XPO1: variants seen among roughly 807,000 people sequenced by gnomAD.
The protein encoded by XPO1 is exportin 1.
XPO1 carries 5 observed loss-of-function variants against 133.3 expected under a neutral mutation model. The observed-to-expected ratio is 0.04, with a 90% CI of 0.02 to 0.08. The LOEUF is 0.08. Ranked by LOEUF, XPO1 falls within the 10% of genes least tolerant of loss-of-function variation. The pLI, the probability that XPO1 is intolerant of heterozygous loss-of-function variation, is 1.00. For missense variants in XPO1, 506 were observed against 1,267.5 expected (o/e 0.40, Z 9.12); for synonymous variants, 419 against 408.2 (o/e 1.03, Z -0.32).
chr2:61,515,937 CCACACACACACACACACACACACACA>C (rs35237510), intron 4 of XPO1, among the ~76,000 whole-genome samples: 1 of 110,760 alleles, frequency 9.0e-6, no homozygotes, highest in East Asian at 2.2e-4. Flanking sequence ...AAAAAAAAAA[CCACACACACACACACACACACACACA>C]CACACACACA....
At chr2:61,495,284 AG>A (rs1228559970) in intron 11 of XPO1, among the ~76,000 whole-genome samples, 170 bp downstream of exon 11, 1 of 152,208 alleles carries the variant, frequency 6.6e-6, no homozygotes, top group African/African-American at 2.4e-5. Context: ...ACATAAAATC[AG>A]AAAACTGGGC....
rs944972305 is a variant in XPO1, at chr2:61,478,570, T to C, written c.*250A>G. 2.4e-6 allele frequency: 1 copy of C among 410,348 alleles called. No individual in the cohort carries two copies. The allele number at this position is 410,348 out of a possible 1,614,324, so 25.4% of individuals were successfully genotyped here. On this transcript the variant is annotated 3_prime_UTR_variant, in exon 25 of 25. Coordinates refer to ENST00000401558, the MANE Select transcript of XPO1 (RefSeq NM_003400.4). ...CCCAGCCCAGCCACAAAAATGGGCATGAAGTAAAATTTTTAAAAATGCCTT... is the reference window on the plus strand; with the variant it reads ...CCCAGCCCAGCCACAAAAATGGGCACGAAGTAAAATTTTTAAAAATGCCTT...
chr2:61,526,921 T>C (rs1367514900), intron 2 of XPO1, among the ~76,000 whole-genome samples: 1 of 152,162 alleles, frequency 6.6e-6, no homozygotes, highest in Non-Finnish European at 1.5e-5. Flanking sequence ...TTGGCCAGGC[T>C]GGTCTTGAAC....
At chr2:61,499,083 C>A (rs1482462669) in intron 7 of XPO1, among the ~76,000 whole-genome samples, 170 bp from the exon 8 acceptor site, 1 of 152,098 alleles carries the variant, frequency 6.6e-6, no homozygotes, top group Non-Finnish European at 1.5e-5. Flanking sequence ...GCCTGGGCAA[C>A]CCAAGGGGAA....
intron 21 of XPO1, chr2:61,483,387 G>A (rs923860573): frequency 3.5e-6 from 1 of 285,882 alleles, no homozygotes; most frequent in Non-Finnish European, 6.5e-6. Context: ...AGTGGGTGAG[G>A]GATAAGACTA....
At chr2:61,511,958 C>CG (rs1698120204) in intron 4 of XPO1, among the ~76,000 whole-genome samples, 1 of 151,692 alleles carries the variant, frequency 6.6e-6, no homozygotes, top group Non-Finnish European at 1.5e-5. Context: ...TTAGTAGAGA[C>CG]GGGGTTTCAC....
chr2:61,534,873 T>C (rs1040321447), intron 1 of XPO1, among the ~76,000 whole-genome samples: 3 of 88,034 alleles, frequency 3.4e-5, no homozygotes, highest in African/African-American at 1.2e-4. Context: ...CTCAATGAAT[T>C]GGGGGATTGA....
At chr2:61,531,177 T>C (rs987286609) in intron 2 of XPO1, among the ~76,000 whole-genome samples, 1 of 152,214 alleles carries the variant, frequency 6.6e-6, no homozygotes, top group Non-Finnish European at 1.5e-5. Context: ...ACTAACGACA[T>C]AGGACTTTTA....
At chr2:61,479,039 A>G in intron 24 of XPO1, 73 bp from the exon 25 acceptor site, 1 of 1,544,176 alleles carries the variant, frequency 6.5e-7, no homozygotes, top group Non-Finnish European at 8.8e-7. Flanking sequence ...TAGATGAGCA[A>G]TTTCCTTTTT....
At chr2:61,530,030 G>A (rs1258970513) in intron 2 of XPO1, among the ~76,000 whole-genome samples, 2 of 152,236 alleles carry the variant, frequency 1.3e-5, no homozygotes, top group East Asian at 3.8e-4. Context: ...GAATAATGAT[G>A]TGGCTTATCT....
chr2:61,483,131 T>G, intron 21 of XPO1, 40 bp from the exon 22 acceptor site: 4 of 1,587,066 alleles, frequency 2.5e-6, no homozygotes, highest in Non-Finnish European at 3.4e-6. Flanking sequence ...TACTACAGAC[T>G]GACAGCACTC....
At chr2:61,486,755 C>G (rs1290599345) in intron 19 of XPO1, among the ~76,000 whole-genome samples, 2 of 152,074 alleles carry the variant, frequency 1.3e-5, no homozygotes, top group East Asian at 3.9e-4. Context: ...AGTATTTTCA[C>G]AAGCAGAAAT....
chr2:61,497,304 T>C (rs866665529), intron 9 of XPO1, among the ~76,000 whole-genome samples: 2 of 152,118 alleles, frequency 1.3e-5, no homozygotes, highest in African/African-American at 4.8e-5. Flanking sequence ...CCTCACCTCT[T>C]GGATTCAAGC....
Position 61,479,610 on chromosome 2 carries a change from TAG to T in XPO1, c.3070-646_3070-645del, listed in dbSNP as rs1412972570. 7.9e-5 allele frequency among the ~76,000 whole-genome samples: 12 copies of T among 152,348 alleles called. No individual in the cohort carries two copies. In the East Asian group the frequency reaches 9.6e-4, roughly 12 times the overall value. On this transcript the variant is annotated intron_variant, in intron 24 of 24. Coordinates refer to ENST00000401558, the MANE Select transcript of XPO1 (RefSeq NM_003400.4). ...CACACAAATTTTGTTCTCTTTGTGA[TAG>T]AGTCTTGTTCTGTAGCCCCAGCACA...
chr2:61,492,887 TA>T lies in XPO1; in HGVS notation c.1384+27del. On this transcript the variant is annotated intron_variant, in intron 13 of 24. Coordinates refer to ENST00000401558, the MANE Select transcript of XPO1 (RefSeq NM_003400.4). The surrounding 1 kb of genome is among the most constrained non-coding windows in gnomAD (Gnocchi z 5.6). ...CCACCCCAGAATAGATTTATAAAGG[TA>T]AAGATTAACAGTATTTATTAACTTA... 1 of 1,578,566 alleles carries T rather than the reference TA, an allele frequency of 6.3e-7. No individual in the cohort carries two copies.
At chr2:61,501,101 C>G (rs541184097) in intron 6 of XPO1, among the ~76,000 whole-genome samples, 2 of 152,260 alleles carry the variant, frequency 1.3e-5, no homozygotes, top group African/African-American at 4.8e-5. Flanking sequence ...TCTCCTCTCT[C>G]TCACCACTCA....
At chr2:61,499,997 A>G in intron 6 of XPO1, 103 bp from the exon 7 acceptor site, 2 of 1,142,728 alleles carry the variant, frequency 1.8e-6, no homozygotes, top group Non-Finnish European at 2.5e-6. Flanking sequence ...GTAAGGATAA[A>G]TCACTTTTCA....
rs886650000 is a variant in XPO1, at chr2:61,478,567, G to A, written c.*253C>T. The A allele has an allele frequency of 5.0e-6, 2 of 402,696 alleles. No homozygotes were observed. Among genetic ancestry groups the A allele is most frequent in the Non-Finnish European group, 8.7e-6 (2 of 230,704 alleles). The allele number at this position is 402,696 out of a possible 1,614,324, so 24.9% of individuals were successfully genotyped here. ...CCCCCCAGCCCAGCCACAAAAATGG[G>A]CATGAAGTAAAATTTTTAAAAATGC... On this transcript the variant is annotated 3_prime_UTR_variant, in exon 25 of 25. Transcript: ENST00000401558.
intron 5 of XPO1, 31 bp from the exon 6 acceptor site, chr2:61,502,071 C>A (rs1355075181): frequency 6.3e-7 from 1 of 1,577,104 alleles, no homozygotes; most frequent in Non-Finnish European, 8.6e-7. Flanking sequence ...AAATGAGAGC[C>A]TGAGGTAAGT....
Sources: gnomAD v4.1 joint callset for allele counts (sites outside exome capture counted in the v4.1 genomes callset) on GRCh38, gnomAD v4.1.1 for gene constraint, Gnocchi (gnomAD v3.1) non-coding constraint, MANE v1.5 for transcripts, NCBI Gene and HGNC (gene_info 2026-07-23, HGNC 2026-07-21) for gene names.